DPY19L4: variants seen among roughly 807,000 people sequenced by gnomAD.
DPY19L4 encodes the protein dpy-19 like 4, also known as probable C-mannosyltransferase DPY19L4.
In DPY19L4, 97 loss-of-function variants were observed where a neutral mutation model predicts 102.8. The ratio of observed to expected loss-of-function variants is 0.94; its 90% confidence interval spans 0.80 to 1.12. The LOEUF (loss-of-function observed/expected upper bound fraction) is 1.12. DPY19L4 is among the 50% of genes most tolerant of loss of function. The pLI is 0.00. For synonymous variants in DPY19L4, 252 were observed against 283.1 expected, an observed-to-expected ratio of 0.89 and a Z score of 1.10; for missense variants, 815 against 850.4, an observed-to-expected ratio of 0.96 and a Z score of 0.52.
intron 14 of DPY19L4, among the ~76,000 whole-genome samples, chr8:94,778,570 C>A (rs1011770271): frequency 3.9e-5 from 6 of 152,162 alleles, no homozygotes; most frequent in African/African-American, 1.4e-4. Flanking sequence ...CCAGCTCTTC[C>A]TTCTTTCCCT....
At chr8:94,765,842 CAAAATG>C in intron 10 of DPY19L4, 33 bp downstream of exon 10, 1 of 1,268,026 alleles carries the variant, frequency 7.9e-7, no homozygotes, top group South Asian at 1.3e-5. Flanking sequence ...TATAGTAAAA[CAAAATG>C]AATAATGAAA....
chr8:94,732,706 G>C (rs999000602), intron 2 of DPY19L4, among the ~76,000 whole-genome samples: 1 of 151,402 alleles, frequency 6.6e-6, no homozygotes, highest in East Asian at 1.9e-4. Flanking sequence ...AAAAATTTCT[G>C]AATGAACCTG....
intron 3 of DPY19L4, among the ~76,000 whole-genome samples, chr8:94,737,639 C>T (rs1054817853): frequency 2.6e-5 from 4 of 151,658 alleles, no homozygotes; most frequent in Non-Finnish European, 4.4e-5. Flanking sequence ...AAAAATTAGC[C>T]GGGCGTGGTG....
At chr8:94,776,849 C>T (rs1277365727) in intron 13 of DPY19L4, among the ~76,000 whole-genome samples, 2 of 151,110 alleles carry the variant, frequency 1.3e-5, no homozygotes, top group Non-Finnish European at 2.9e-5. Flanking sequence ...CCTGTAATTC[C>T]AGCTACTTGG....
At chr8:94,759,112 G>C (rs996124736) in intron 7 of DPY19L4, among the ~76,000 whole-genome samples, 2 of 152,156 alleles carry the variant, frequency 1.3e-5, no homozygotes, top group East Asian at 1.9e-4. Flanking sequence ...TGGACCCAAA[G>C]AGTGAGCGGT....
chr8:94,789,360 C>T (rs903590736), intron 18 of DPY19L4, among the ~76,000 whole-genome samples: 2 of 152,150 alleles, frequency 1.3e-5, no homozygotes, highest in Non-Finnish European at 2.9e-5. Flanking sequence ...AGTTTCCTTG[C>T]TTACTAAATA....
intron 8 of DPY19L4, among the ~76,000 whole-genome samples, chr8:94,763,882 C>G (rs1286902733): frequency 6.6e-6 from 1 of 152,044 alleles, no homozygotes; most frequent in Non-Finnish European, 1.5e-5. Context: ...TTGCCCAGGC[C>G]AGGCTGGTCT....
chr8:94,751,283 TA>T lies in DPY19L4; in HGVS notation c.612-4752del, dbSNP rs1414010446. On this transcript the variant is annotated intron_variant, in intron 6 of 18. Coordinates refer to ENST00000414645, the MANE Select transcript of DPY19L4 (RefSeq NM_181787.3). ...ACAGGCGCCCGCCACCGCGCCTGGC[TA>T]TTTTTTTGTATTTTTGGTAGAGACG... is the stretch of plus-strand genomic sequence containing the variant. Among the ~76,000 whole-genome samples, 13 of 151,452 alleles carry T rather than the reference TA, an allele frequency of 8.6e-5. No individual in the cohort carries two copies. The South Asian group carries it at 2.7e-3, about 32-fold the overall frequency.
At chr8:94,781,631 C>T (rs1813436554) in intron 16 of DPY19L4, among the ~76,000 whole-genome samples, 1 of 151,982 alleles carries the variant, frequency 6.6e-6, no homozygotes, top group Admixed American at 6.6e-5. Flanking sequence ...ACTCAGGGAC[C>T]CTCAAAAGGC....
intron 4 of DPY19L4, among the ~76,000 whole-genome samples, chr8:94,738,780 G>A (rs1811309097): frequency 6.6e-6 from 1 of 151,944 alleles, no homozygotes; most frequent in African/African-American, 2.4e-5. Context: ...CCAAAGTGCT[G>A]GGATTACAGG....
chr8:94,720,146 AG>A, intron 1 of DPY19L4, 132 bp downstream of exon 1: 1 of 1,370,986 alleles, frequency 7.3e-7, no homozygotes, highest in South Asian at 1.7e-5. Context: ...CAGGGCGGGA[AG>A]GAGCGCGGCG....
At chr8:94,725,336 A>T (rs550083850) in intron 1 of DPY19L4, among the ~76,000 whole-genome samples, 17 of 152,346 alleles carry the variant, frequency 1.1e-4, no homozygotes, top group Non-Finnish European at 2.2e-4. Context: ...GATTAATTCT[A>T]GGGAGGAAAA....
At chr8:94,729,298 G>A (rs1810830184) in intron 2 of DPY19L4, among the ~76,000 whole-genome samples, 1 of 151,920 alleles carries the variant, frequency 6.6e-6, no homozygotes, top group Admixed American at 6.6e-5. Flanking sequence ...CTTGAACCTG[G>A]GAAGCGGAGG....
chr8:94,748,928 A>T (rs35123111), intron 6 of DPY19L4, among the ~76,000 whole-genome samples: 15,753 of 152,112 alleles, frequency 0.1, 908 homozygotes, highest in Non-Finnish European at 0.13. Context: ...AATACCTAAG[A>T]CTGGGAAATT....
intron 1 of DPY19L4, among the ~76,000 whole-genome samples, chr8:94,725,367 A>G (rs1248793691): frequency 1.3e-5 from 2 of 152,210 alleles, no homozygotes; most frequent in African/African-American, 4.8e-5. Flanking sequence ...TATATAGTAC[A>G]TTCCTGTTCA....
chr8:94,724,290 T>C (rs1810595412), intron 1 of DPY19L4, among the ~76,000 whole-genome samples: 1 of 152,254 alleles, frequency 6.6e-6, no homozygotes, highest in South Asian at 2.1e-4. Context: ...TATTACGTGA[T>C]TAATCATGCA....
At chr8:94,750,524 C>G (rs1388748023) in intron 6 of DPY19L4, among the ~76,000 whole-genome samples, 2 of 152,090 alleles carry the variant, frequency 1.3e-5, no homozygotes, top group African/African-American at 4.8e-5. Flanking sequence ...TCATTTGACT[C>G]TCACATGTGA....
At chr8:94,729,624 T>C in intron 2 of DPY19L4, among the ~76,000 whole-genome samples, 1 of 89,526 alleles carries the variant, frequency 1.1e-5, no homozygotes, top group Non-Finnish European at 2.3e-5. Flanking sequence ...AAAAAAAATT[T>C]AAGCCTAGGC....
intron 17 of DPY19L4, among the ~76,000 whole-genome samples, chr8:94,784,103 A>G (rs1813550968): frequency 6.6e-6 from 1 of 152,226 alleles, no homozygotes; most frequent in Non-Finnish European, 1.5e-5. Context: ...AGGCTGGAAT[A>G]CAGTTGTGCA....
Sources: allele counts gnomAD v4.1 joint callset (sites outside exome capture counted in the v4.1 genomes callset), GRCh38; gene constraint gnomAD v4.1.1; transcripts MANE v1.5; gene names NCBI Gene and HGNC (gene_info 2026-07-23, HGNC 2026-07-21).